The following PCLO variants were observed in gnomAD, a reference collection of about 807,000 sequenced individuals.
PCLO encodes protein piccolo.
Under a neutral mutation model 427.5 loss-of-function variants are expected in PCLO, and 82 were observed. The observed-to-expected ratio is 0.19, with a 90% CI of 0.16 to 0.23. The LOEUF is 0.23. PCLO is among the 10% of genes least tolerant of loss of function. The pLI is 1.00. For synonymous variants in PCLO, 2,357 were observed against 2,155.4 expected (o/e 1.09, Z -2.59); for missense variants, 6,239 against 6,115.9 (o/e 1.02, Z -0.67).
In PCLO at chr7:83,120,327, G is replaced by A. The variant is rs183058144; in HGVS notation, c.3300+13923C>T. On this transcript the variant is annotated intron_variant, in intron 3 of 24. Coordinates refer to ENST00000333891, the MANE Select transcript of PCLO (RefSeq NM_033026.6). ...TGAGGCACAAGAATTGCTTGAACCT[G>A]GGAGGCAGAGGTTGAGGGAGCCAAG... is the stretch of plus-strand genomic sequence containing the variant. Among the ~76,000 whole-genome samples the A allele has an allele frequency of 3.0e-3, 453 of 150,072 alleles. 4 individuals are homozygous for A. Among genetic ancestry groups the A allele is most frequent in the Non-Finnish European group, 3.4e-3 (230 of 67,724 alleles).
At chr7:83,036,409 CT>C (rs1186859543) in intron 3 of PCLO, among the ~76,000 whole-genome samples, 1 of 152,148 alleles carries the variant, frequency 6.6e-6, no homozygotes, top group Non-Finnish European at 1.5e-5. Flanking sequence ...TGCTAAAGCT[CT>C]TGCAGATTGA....
rs189218734 is a variant in PCLO, at chr7:83,130,521, C to A, written c.3300+3729G>T. Among the ~76,000 whole-genome samples, 69 of 152,210 alleles carry A rather than the reference C, an allele frequency of 4.5e-4. 1 individual carries two copies. Among genetic ancestry groups the A allele is most frequent in the South Asian group, 2.1e-4 (1 of 4,828 alleles). On this transcript the variant is annotated intron_variant, in intron 3 of 24. Transcript: ENST00000333891. ...TTTGAAACTAATTAATGGTAGAATT[C>A]TTTTATCCTTATTGATTTCTTCTTA... is the stretch of plus-strand genomic sequence containing the variant.
intron 3 of PCLO, among the ~76,000 whole-genome samples, chr7:83,077,306 G>A (rs1789980364): frequency 6.6e-6 from 1 of 152,166 alleles, no homozygotes; most frequent in South Asian, 2.1e-4. Context: ...AGAGAAGAAG[G>A]CAAAGGGCTC....
chr7:82,917,823 TGA>T (rs1794502469), intron 6 of PCLO, among the ~76,000 whole-genome samples: 1 of 151,856 alleles, frequency 6.6e-6, no homozygotes. Context: ...CACCAAATAT[TGA>T]GAGTAGAAAA....
At chr7:82,877,487 C>T (rs1584089263) in intron 10 of PCLO, among the ~76,000 whole-genome samples, 1 of 152,028 alleles carries the variant, frequency 6.6e-6, no homozygotes, top group African/African-American at 2.4e-5. Context: ...TAGACTGTAA[C>T]ACCAAAAATT....
chr7:82,929,534 G>A (rs570887398), intron 6 of PCLO, among the ~76,000 whole-genome samples: 7 of 152,202 alleles, frequency 4.6e-5, no homozygotes, highest in African/African-American at 1.4e-4. Flanking sequence ...AAATAAACAT[G>A]TGTTAAGAAA....
intron 22 of PCLO, among the ~76,000 whole-genome samples, chr7:82,798,543 CT>C (rs1437119010): frequency 1.3e-5 from 2 of 152,150 alleles, no homozygotes. Context: ...AAAACAAAAT[CT>C]TGCACTTTGC....
chr7:82,945,330 T>G (rs1795176388), intron 6 of PCLO, among the ~76,000 whole-genome samples: 1 of 152,192 alleles, frequency 6.6e-6, no homozygotes, highest in Non-Finnish European at 1.5e-5. Context: ...TCATTCCATA[T>G]TTGGCTGTGA....
chr7:82,832,636 G>A (rs1792123552), intron 16 of PCLO, among the ~76,000 whole-genome samples: 1 of 151,924 alleles, frequency 6.6e-6, no homozygotes, highest in African/African-American at 2.4e-5. Flanking sequence ...AAGACCAGCA[G>A]GAAAACAGTT....
At chr7:82,796,201 A>G (rs1282879240) in intron 22 of PCLO, among the ~76,000 whole-genome samples, 3 of 152,194 alleles carry the variant, frequency 2.0e-5, no homozygotes, top group Non-Finnish European at 4.4e-5. Flanking sequence ...TTTTTAAAAA[A>G]TATTTCAATA....
At chr7:83,087,640 T>C (rs898175143) in intron 3 of PCLO, among the ~76,000 whole-genome samples, 4 of 152,148 alleles carry the variant, frequency 2.6e-5, no homozygotes, top group Non-Finnish European at 4.4e-5. Context: ...TTTTTCTTTA[T>C]ATCTTTTGTA....
intron 3 of PCLO, among the ~76,000 whole-genome samples, chr7:83,080,103 T>A (rs934592754): frequency 2.0e-5 from 3 of 152,216 alleles, no homozygotes; most frequent in African/African-American, 7.2e-5. Flanking sequence ...TAACACATTT[T>A]CTTAATCCAG....
At chr7:82,812,229 G>A (rs779579263) in intron 20 of PCLO, among the ~76,000 whole-genome samples, 28 of 151,298 alleles carry the variant, frequency 1.9e-4, no homozygotes, top group Non-Finnish European at 3.7e-4. Flanking sequence ...TTCATTATCT[G>A]GCTTTATAGA....
chr7:82,820,603 G>A, intron 20 of PCLO: 2 of 1,229,322 alleles, frequency 1.6e-6, no homozygotes, highest in Non-Finnish European at 1.0e-6. Context: ...AGGATCAAGA[G>A]AGAACTTTCA....
chr7:83,155,956 G>A lies in PCLO; in HGVS notation c.685C>T (p.Pro229Ser). Residue 229 changes from proline (P) to serine (S), a missense_variant, in exon 2 of 25, where the codon CCG (proline) becomes TCG (serine). Coordinates refer to ENST00000333891, the MANE Select transcript of PCLO (RefSeq NM_033026.6). ...TTGGGAGTGCCATCCTGCTGAAGCG[G>A]ATCCCTACCAGGTCCTTGCTGCTTA... ...IPKQQGPGRD[P>S]LQQDGTPKSI... The A allele has an allele frequency of 6.2e-7, 1 of 1,613,824 alleles. No individual in the cohort carries two copies. The highest frequency in any genetic ancestry group is 8.5e-7 in the Non-Finnish European group (1 of 1,179,848).
chr7:82,998,864 T>G (rs1001141923), intron 3 of PCLO, among the ~76,000 whole-genome samples: 2 of 151,870 alleles, frequency 1.3e-5, no homozygotes, highest in Non-Finnish European at 2.9e-5. Context: ...CATGGCAGAA[T>G]GTTGCAATGA....
chr7:82,841,481 T>G lies in PCLO; in HGVS notation c.14075A>C (p.His4692Pro). ...KPTDGTKVVS[H>P]PITGEIQLQI... The stretch of plus-strand genomic sequence containing the variant: ...TACCTGAATTTCTCCTGTAATTGGA[T>G]GAGAGACAACCTTTGTTCCATCGGT... The change falls in exon 14 of 25, where the codon CAT becomes CCT. Residue 4692 changes from histidine to proline, a missense_variant. Physicochemically the swap from His to Pro is moderately conservative, Grantham distance 77. Coordinates refer to ENST00000333891, the MANE Select transcript of PCLO (RefSeq NM_033026.6). 1 of 1,599,090 alleles carries G rather than the reference T, an allele frequency of 6.3e-7. No homozygotes were observed. Among genetic ancestry groups the G allele is most frequent in the South Asian group, 1.1e-5 (1 of 90,734 alleles).
chr7:82,965,020 T>G (rs1016841558), intron 4 of PCLO, among the ~76,000 whole-genome samples: 2 of 152,130 alleles, frequency 1.3e-5, no homozygotes, highest in African/African-American at 4.8e-5. Context: ...TAAGATCTCT[T>G]ACAGCTCCAA....
At chr7:82,930,447 T>C (rs1453241950) in intron 6 of PCLO, among the ~76,000 whole-genome samples, 1 of 152,162 alleles carries the variant, frequency 6.6e-6, no homozygotes, top group Non-Finnish European at 1.5e-5. Flanking sequence ...TATGTATTTA[T>C]TAGAAGACGT....
Sources: gnomAD v4.1 joint callset for allele counts (sites outside exome capture counted in the v4.1 genomes callset) on GRCh38, gnomAD v4.1.1 for gene constraint, MANE v1.5 for transcripts, NCBI Gene and HGNC (gene_info 2026-07-23, HGNC 2026-07-21) for gene names.